KBTBD11: variants seen among roughly 807,000 people sequenced by gnomAD.
KBTBD11 encodes kelch repeat and BTB domain-containing protein 11.
For synonymous variants in KBTBD11, 747 were observed against 499.0 expected, an observed-to-expected ratio of 1.50 and a Z score of -6.63; for missense variants, 1,390 against 1,001.8, an observed-to-expected ratio of 1.39 and a Z score of -5.23.
intron 1 of KBTBD11, among the ~76,000 whole-genome samples, chr8:2,000,084 A>C (rs1007434264): frequency 2.0e-5 from 3 of 152,176 alleles, no homozygotes; most frequent in African/African-American, 7.2e-5. Context: ...GAATATCGAG[A>C]GGGTACTTTA....
chr8:2,005,899 C>G lies in KBTBD11; in HGVS notation c.*2835C>G, dbSNP rs956238918. The G allele has an allele frequency of 6.0e-6, 1 of 167,090 alleles. No individual in the cohort carries two copies. The highest frequency in any genetic ancestry group is 1.5e-5 in the Non-Finnish European group (1 of 68,128). 10.4% of individuals were successfully genotyped at this position (167,090 alleles called of 1,614,324 possible). On this transcript the variant is annotated 3_prime_UTR_variant, in exon 2 of 2. Transcript: ENST00000320248. ...CAGCAATCCCTTCTGTATTGCCAAT[C>G]AAGGTTCATTTGAGATGCAGAGGAA...
intron 1 of KBTBD11, among the ~76,000 whole-genome samples, chr8:1,977,628 A>G (rs923103053): frequency 1.7e-4 from 26 of 152,062 alleles, no homozygotes; most frequent in South Asian, 4.1e-4. Flanking sequence ...GGTTCAAGCA[A>G]TTCTCATGTC....
intron 1 of KBTBD11, among the ~76,000 whole-genome samples, chr8:1,991,279 A>T (rs1197303994): frequency 6.6e-6 from 1 of 152,230 alleles, no homozygotes; most frequent in East Asian, 1.9e-4. Flanking sequence ...CACCGCGTTG[A>T]ACTCCAGGAC....
At chr8:1,976,585 G>C (rs570364047) in intron 1 of KBTBD11, 1 of 150,556 alleles carries the variant, frequency 6.6e-6, no homozygotes, top group South Asian at 2.1e-4. Context: ...CCCTGCTGTG[G>C]GTCAGGCTCA....
intron 1 of KBTBD11, among the ~76,000 whole-genome samples, chr8:1,993,851 G>T (rs1205646493): frequency 1.3e-5 from 2 of 151,316 alleles, no homozygotes; most frequent in Non-Finnish European, 2.9e-5. Context: ...CTCAAACCAG[G>T]ATGGGGGTTG....
intron 1 of KBTBD11, among the ~76,000 whole-genome samples, chr8:1,984,488 C>T (rs6558570): frequency 0.57 from 85,783 of 151,552 alleles, 24,815 homozygotes; most frequent in East Asian, 0.82. Context: ...GGGGTTTTAC[C>T]GTGTTAGGCA....
intron 1 of KBTBD11, among the ~76,000 whole-genome samples, chr8:1,994,680 C>T (rs1310173282): frequency 1.3e-5 from 2 of 152,246 alleles, no homozygotes; most frequent in Non-Finnish European, 2.9e-5. Context: ...AAATAGACGC[C>T]CGCTGCTCTG....
At position 1,992,240 on chromosome 8, in the gene KBTBD11, G is replaced by A. The variant is rs538108595; in HGVS notation, c.-908-8045G>A. On this transcript the variant is annotated intron_variant, in intron 1 of 1. Coordinates refer to ENST00000320248, the MANE Select transcript of KBTBD11 (RefSeq NM_014867.3). The stretch of plus-strand genomic sequence containing the variant: ...GCCCGGGTTTTCTCAACTGTAAAAC[G>A]TGGCAGCGCTGCCTGCCTCCCAGGG... Among the ~76,000 whole-genome samples the A allele has an allele frequency of 1.2e-4, 18 of 152,228 alleles. No individual in the cohort carries two copies. In the South Asian group the frequency reaches 1.9e-3, roughly 16 times the overall value.
At chr8:1,989,869 C>T (rs1050079604) in intron 1 of KBTBD11, among the ~76,000 whole-genome samples, 2 of 148,904 alleles carry the variant, frequency 1.3e-5, no homozygotes, top group African/African-American at 4.9e-5. Flanking sequence ...GGGTGAATCC[C>T]TGCTAATTTG....
At chr8:1,982,194 C>A (rs890638681) in intron 1 of KBTBD11, among the ~76,000 whole-genome samples, 3 of 152,098 alleles carry the variant, frequency 2.0e-5, no homozygotes, top group Non-Finnish European at 2.9e-5. Context: ...TAGACTGTTA[C>A]AACTATAAGG....
At position 2,001,694 on chromosome 8, in the gene KBTBD11, CGCGCGTCGCGGGACGTGCTGCGGGT is replaced by C; in HGVS notation, c.505_529del (p.Ala169ArgfsTer3). ...GGCGCGCAGCGACTACTTCCGCGCG[CGCGCGTCGCGGGACGTGCTGCGGGT>C]GCAGGGAGTGAGCCTGACGGCGCTG... On this transcript the variant is annotated frameshift_variant, in exon 2 of 2. Coordinates refer to ENST00000320248, the MANE Select transcript of KBTBD11 (RefSeq NM_014867.3). LOFTEE classifies it low-confidence loss of function (END_TRUNC). 1 of 1,435,036 alleles carries C rather than the reference CGCGCGTCGCGGGACGTGCTGCGGGT, an allele frequency of 7.0e-7. No homozygotes were observed. Among genetic ancestry groups the C allele is most frequent in the Non-Finnish European group, 9.1e-7 (1 of 1,099,226 alleles). 88.9% of individuals were successfully genotyped at this position (1,435,036 alleles called of 1,614,324 possible).
intron 1 of KBTBD11, 42 bp downstream of exon 1, chr8:1,973,977 C>A (rs1021839885): frequency 1.1e-6 from 1 of 951,178 alleles, no homozygotes; most frequent in South Asian, 4.9e-5. Flanking sequence ...GCCTGGCGGG[C>A]GGAGCGGGAA....
intron 1 of KBTBD11, chr8:1,974,651 TGCAGC>T: frequency 1.0e-6 from 1 of 985,274 alleles, no homozygotes. Flanking sequence ...GGGCGCCCCT[TGCAGC>T]CCCCGCCCCA....
At chr8:1,974,595 A>G in intron 1 of KBTBD11, 1 of 984,420 alleles carries the variant, frequency 1.0e-6, no homozygotes, top group South Asian at 4.7e-5. Context: ...AGCCCCGAGC[A>G]CCGCGACCCA....
intron 1 of KBTBD11, among the ~76,000 whole-genome samples, chr8:1,996,251 T>C (rs1370515309): frequency 6.6e-6 from 1 of 152,138 alleles, no homozygotes; most frequent in African/African-American, 2.4e-5. Context: ...ATATAGGCAA[T>C]GCGTGTAGGA....
intron 1 of KBTBD11, among the ~76,000 whole-genome samples, chr8:1,993,305 G>T (rs1179361115): frequency 6.6e-6 from 1 of 151,958 alleles, no homozygotes; most frequent in African/African-American, 2.4e-5. Context: ...TAGCTAACAT[G>T]CATTCATCCA....
chr8:1,993,330 C>T (rs2129313533), intron 1 of KBTBD11, among the ~76,000 whole-genome samples: 1 of 152,160 alleles, frequency 6.6e-6, no homozygotes. Flanking sequence ...TCTATCCATC[C>T]AGTCGCCCAT....
At position 2,000,931 on chromosome 8, in the gene KBTBD11, A is replaced by T. The variant is rs1817318453; in HGVS notation, c.-262A>T. 2.5e-6 allele frequency: 1 copy of T among 392,900 alleles called. No individual in the cohort carries two copies. 24.3% of individuals were successfully genotyped at this position (392,900 alleles called of 1,614,324 possible). On this transcript the variant is annotated 5_prime_UTR_variant, in exon 2 of 2. The change creates a new upstream start codon in the 5' untranslated region. Coordinates refer to ENST00000320248, the MANE Select transcript of KBTBD11 (RefSeq NM_014867.3). ...ACCAAGACTTTCTGGGCAGATTTAA[A>T]GTGGCTGGGGTTCAGAAGTTCAGCA...
intron 1 of KBTBD11, among the ~76,000 whole-genome samples, chr8:1,994,422 G>A (rs1390994423): frequency 2.0e-5 from 3 of 152,246 alleles, no homozygotes; most frequent in Non-Finnish European, 4.4e-5. Context: ...GGCTGTGACA[G>A]GCGTCAGCTC....
Sources: allele counts gnomAD v4.1 joint callset (sites outside exome capture counted in the v4.1 genomes callset), GRCh38; gene constraint gnomAD v4.1.1; transcripts MANE v1.5; gene names NCBI Gene and HGNC (gene_info 2026-07-23, HGNC 2026-07-21).